The following ZNF660 variants were observed in gnomAD, a reference collection of about 807,000 sequenced individuals.
The protein encoded by ZNF660 is zinc finger protein 660.
A neutral mutation model predicts 23.2 loss-of-function variants in ZNF660; 24 were observed. The observed-to-expected ratio is 1.04, with a 90% CI of 0.75 to 1.46. The LOEUF is 1.46. Among genes scored for constraint, ZNF660 ranks in the 40% most tolerant of loss-of-function variants. The pLI, the probability that ZNF660 is intolerant of heterozygous loss-of-function variation, is 0.00. For missense variants in ZNF660, 373 were observed against 396.8 expected (o/e 0.94, Z 0.51); for synonymous variants, 117 against 131.4 (o/e 0.89, Z 0.75).
intron 2 of ZNF660, among the ~76,000 whole-genome samples, chr3:44,588,767 G>A (rs575234031): frequency 2.6e-5 from 4 of 152,122 alleles, no homozygotes; most frequent in East Asian, 3.9e-4. Context: ...CACCGTGCCC[G>A]ACCCTCAGTA....
In ZNF660 at chr3:44,596,882, T is replaced by TCTTA. The variant is rs776662664; in HGVS notation, c.*1694_*1697dup. The TCTTA allele has an allele frequency of 9.2e-5, 14 of 152,194 alleles. No individual in the cohort carries two copies. The allele number at this position is 152,194 out of a possible 1,614,324, so 9.4% of individuals were successfully genotyped here. On this transcript the variant is annotated 3_prime_UTR_variant, in exon 3 of 3. Coordinates refer to ENST00000322734, the MANE Select transcript of ZNF660 (RefSeq NM_173658.4). ...CTTTATGACCAGTCCTCCTTGAAGG[T>TCTTA]CTTAGCCCATCTTCCACCAATATTT...
chr3:44,586,406 A>C (rs1700226878), intron 2 of ZNF660, 193 bp downstream of exon 2: 1 of 152,322 alleles, frequency 6.6e-6, no homozygotes, highest in South Asian at 2.1e-4. Context: ...TCAGATGGGA[A>C]TAAGGGTGAT....
chr3:44,586,587 T>C (rs139216457), intron 2 of ZNF660: 3 of 152,302 alleles, frequency 2.0e-5, no homozygotes, highest in Non-Finnish European at 4.4e-5. Flanking sequence ...GTCAATCTCT[T>C]AGGGAATTTA....
At chr3:44,585,704 C>T (rs1026181181) in intron 1 of ZNF660, among the ~76,000 whole-genome samples, 1 of 152,158 alleles carries the variant, frequency 6.6e-6, no homozygotes, top group Admixed American at 6.5e-5. Context: ...TTCCTAAAGA[C>T]ACTTGACTCA....
At chr3:44,591,212 TG>T (rs1251546617) in intron 2 of ZNF660, among the ~76,000 whole-genome samples, 1 of 152,208 alleles carries the variant, frequency 6.6e-6, no homozygotes, top group Non-Finnish European at 1.5e-5. Flanking sequence ...CACTGCAGCC[TG>T]GACCTCCTGG....
intron 2 of ZNF660, among the ~76,000 whole-genome samples, chr3:44,593,567 T>C (rs920824839): frequency 6.6e-6 from 1 of 151,508 alleles, no homozygotes; most frequent in Non-Finnish European, 1.5e-5. Flanking sequence ...TACAAAAAAT[T>C]AGCTGGGCGT....
intron 1 of ZNF660, among the ~76,000 whole-genome samples, chr3:44,585,297 G>A (rs965503165): frequency 3.9e-5 from 6 of 152,318 alleles, no homozygotes; most frequent in Middle Eastern, 3.4e-3. Context: ...TAGCGGTCGA[G>A]TCCCGCCTAG....
rs1361697522 is a variant in ZNF660 at position 44,595,744 on chromosome 3, G to A, written c.*555G>A. On this transcript the variant is annotated 3_prime_UTR_variant, in exon 3 of 3. Transcript: ENST00000322734. ...GCTTATTTTCACTCAGCAGTGTTATGAAAGGCACGTAGTATATAGAGCCCA... is the reference window on the plus strand; with the variant it reads ...GCTTATTTTCACTCAGCAGTGTTATAAAAGGCACGTAGTATATAGAGCCCA... 1 of 167,348 alleles carries A rather than the reference G, an allele frequency of 6.0e-6. No homozygotes were observed. Among genetic ancestry groups the A allele is most frequent in the African/African-American group, 2.4e-5 (1 of 41,454 alleles). 10.4% of individuals were successfully genotyped at this position (167,348 alleles called of 1,614,324 possible).
In ZNF660 at chr3:44,595,350, T is replaced by TA; in HGVS notation, c.*162dup. ...AAGGGATGTTCATGACAGCATCATA[T>TA]ACGACTGAAAGAAGAAAACTAGATT... is the stretch of plus-strand genomic sequence containing the variant. On this transcript the variant is annotated 3_prime_UTR_variant, in exon 3 of 3. Transcript: ENST00000322734. 1.3e-6 allele frequency: 1 copy of TA among 767,136 alleles called. No individual in the cohort carries two copies. The highest frequency in any genetic ancestry group is 1.9e-6 in the Non-Finnish European group (1 of 517,396). The allele number at this position is 767,136 out of a possible 1,614,324, so 47.5% of individuals were successfully genotyped here.
At position 44,588,518 on chromosome 3, in the gene ZNF660, A is replaced by T. The variant is rs566339267; in HGVS notation, c.-181+2305A>T. Among the ~76,000 whole-genome samples the T allele has an allele frequency of 2.0e-5, 3 of 151,844 alleles. No individual in the cohort carries two copies. In the East Asian group the frequency reaches 5.8e-4, roughly 29 times the overall value. On this transcript the variant is annotated intron_variant, in intron 2 of 2. Transcript: ENST00000322734. ...AGCTTATCTGTTTTTTTATTTTTTTAATGTATTTATTTATTTTGAGACAAG... is the reference window on the plus strand; with the variant it reads ...AGCTTATCTGTTTTTTTATTTTTTTTATGTATTTATTTATTTTGAGACAAG...
Position 44,595,546 on chromosome 3 carries a change from AGAAG to A in ZNF660, c.*362_*365del, listed in dbSNP as rs1013722781. ...AAATATTTTTGCATAGGAAAAATTG[AGAAG>A]GAAGTAAACCAAAATGTTAACAGTG... On this transcript the variant is annotated 3_prime_UTR_variant, in exon 3 of 3. Coordinates refer to ENST00000322734, the MANE Select transcript of ZNF660 (RefSeq NM_173658.4). 1 of 185,182 alleles carries A rather than the reference AGAAG, an allele frequency of 5.4e-6. No individual in the cohort carries two copies. The highest frequency in any genetic ancestry group is 2.4e-5 in the African/African-American group (1 of 41,846). The allele number at this position is 185,182 out of a possible 1,614,324, so 11.5% of individuals were successfully genotyped here.
At position 44,594,694 on chromosome 3, in the gene ZNF660, T is replaced by C. The variant is rs202004772; in HGVS notation, c.501T>C (p.Cys167=). ...AGAAGCCCTATTCTTGTATTGAGTG[T>C]GGGAAAGCCTTTAGCCGTAGTTCAA... ...TGEKPYSCIE[C]GKAFSRSSNL... The change falls in exon 3 of 3, where the codon TGT becomes TGC. Residue 167 remains cysteine, a synonymous_variant. Transcript: ENST00000322734. 6.2e-7 allele frequency: 1 copy of C among 1,614,174 alleles called. No individual in the cohort carries two copies. The highest frequency in any genetic ancestry group is 8.5e-7 in the Non-Finnish European group (1 of 1,180,024).
chr3:44,596,502 T>TA lies in ZNF660; in HGVS notation c.*1314dup, dbSNP rs1361948984. Reference sequence around the variant, plus strand: ...ATATTTTCAGATGTATTGAACAGAATACCAAGTACTAGCAGCCTAGACCTT... The same window carrying TA: ...ATATTTTCAGATGTATTGAACAGAATAACCAAGTACTAGCAGCCTAGACCTT... On this transcript the variant is annotated 3_prime_UTR_variant, in exon 3 of 3. Coordinates refer to ENST00000322734, the MANE Select transcript of ZNF660 (RefSeq NM_173658.4). 1 of 152,214 alleles carries TA rather than the reference T, an allele frequency of 6.6e-6. No individual in the cohort carries two copies. Among genetic ancestry groups the TA allele is most frequent in the Non-Finnish European group, 1.5e-5 (1 of 68,030 alleles). 9.4% of individuals were successfully genotyped at this position (152,214 alleles called of 1,614,324 possible).
Position 44,595,802 on chromosome 3 carries a change from T to C in ZNF660, c.*613T>C, listed in dbSNP as rs949543636. Reference sequence around the variant, plus strand: ...GGGATTGCACCCTGACACTGGCATTTAGCAGCAGTGGAACCGCGAGCAAGT... The same window carrying C: ...GGGATTGCACCCTGACACTGGCATTCAGCAGCAGTGGAACCGCGAGCAAGT... On this transcript the variant is annotated 3_prime_UTR_variant, in exon 3 of 3. Coordinates refer to ENST00000322734, the MANE Select transcript of ZNF660 (RefSeq NM_173658.4). 6.0e-6 allele frequency: 1 copy of C among 167,144 alleles called. No homozygotes were observed. Among genetic ancestry groups the C allele is most frequent in the African/African-American group, 2.4e-5 (1 of 41,472 alleles). 10.4% of individuals were successfully genotyped at this position (167,144 alleles called of 1,614,324 possible).
At chr3:44,586,375 C>T (rs989068141) in intron 2 of ZNF660, 162 bp downstream of exon 2, 4 of 152,158 alleles carry the variant, frequency 2.6e-5, no homozygotes, top group African/African-American at 9.7e-5. Flanking sequence ...GCCTCTGGAC[C>T]TTGAGGAGTA....
Position 44,595,009 on chromosome 3 carries a change from A to C in ZNF660, c.816A>C (p.Lys272Asn). ...VDHQRVHTGEKPYKCNECGKT... is the reference protein window; with the variant it reads ...VDHQRVHTGENPYKCNECGKT... ...ATCAGAGAGTTCACACTGGAGAGAA[A>C]CCCTATAAATGTAATGAATGTGGGA... Residue 272 changes from lysine (K) to asparagine (N), a missense_variant, in exon 3 of 3, where the codon AAA (lysine) becomes AAC (asparagine). Physicochemically the swap from Lys to Asn is moderately conservative, Grantham distance 94. Transcript: ENST00000322734. The C allele has an allele frequency of 6.2e-7, 1 of 1,613,922 alleles. No homozygotes were observed. Among genetic ancestry groups the C allele is most frequent in the Non-Finnish European group, 8.5e-7 (1 of 1,179,992 alleles).
intron 2 of ZNF660, among the ~76,000 whole-genome samples, chr3:44,587,641 C>T (rs1056591593): frequency 6.6e-6 from 1 of 152,228 alleles, no homozygotes; most frequent in African/African-American, 2.4e-5. Context: ...GATCTCCTGT[C>T]TGGTCCTGCT....
chr3:44,593,188 G>T (rs535821173), intron 2 of ZNF660, among the ~76,000 whole-genome samples: 1 of 152,302 alleles, frequency 6.6e-6, no homozygotes, highest in South Asian at 2.1e-4. Context: ...GTAGACTGGG[G>T]TCTAGTACCT....
In ZNF660 at chr3:44,594,411, CG is replaced by C; in HGVS notation, c.221del (p.Gly74GlufsTer30). The C allele has an allele frequency of 3.1e-6, 5 of 1,613,226 alleles. No individual in the cohort carries two copies. Among genetic ancestry groups the C allele is most frequent in the Non-Finnish European group, 4.2e-6 (5 of 1,179,792 alleles). ...CTCACAGTACATGAGCGAATCCACA[CG>C]GGAGAGAAACCCTATAAGTGTAAGG... ...ANLTVHERIHTGEKPYKCKEC... is the reference protein window; with the variant it reads ...ANLTVHERIHXGEKPYKCKEC... On this transcript the variant is annotated frameshift_variant, in exon 3 of 3. Transcript: ENST00000322734. LOFTEE classifies it high-confidence loss of function.
Sources: gnomAD v4.1 joint callset for allele counts (sites outside exome capture counted in the v4.1 genomes callset) on GRCh38, gnomAD v4.1.1 for gene constraint, MANE v1.5 for transcripts, NCBI Gene and HGNC (gene_info 2026-07-23, HGNC 2026-07-21) for gene names.